Variants in TOP3B observed in about 807,000 individuals in gnomAD.
TOP3B encodes DNA topoisomerase 3-beta-1.
Under a neutral mutation model 93.9 loss-of-function variants are expected in TOP3B, and 45 were observed. That is an observed-to-expected ratio of 0.48 (90% CI 0.38 to 0.61). The LOEUF is 0.61. TOP3B is among the 20% of genes least tolerant of loss of function. The pLI, the probability that TOP3B is intolerant of heterozygous loss-of-function variation, is 0.00. For synonymous variants in TOP3B, 357 were observed against 472.6 expected (o/e 0.76, Z 3.17); for missense variants, 750 against 1,156.1 (o/e 0.65, Z 5.09).
At chr22:21,979,915 TG>T (rs2145890071) in intron 1 of TOP3B, among the ~76,000 whole-genome samples, 1 of 116,570 alleles carries the variant, frequency 8.6e-6, no homozygotes, top group South Asian at 2.7e-4. Flanking sequence ...CACTCCAGCC[TG>T]GGCGACAGAG....
chr22:21,964,395 C>T (rs965906878), intron 9 of TOP3B, 80 bp from the exon 10 acceptor site: 1 of 1,547,874 alleles, frequency 6.5e-7, no homozygotes, highest in Non-Finnish European at 8.8e-7. Flanking sequence ...CACTCAGGCT[C>T]CCCCATTGTG....
At chr22:21,962,966 G>A (rs564216948) in intron 11 of TOP3B, 73 bp from the exon 12 acceptor site, 8 of 1,556,632 alleles carry the variant, frequency 5.1e-6, no homozygotes, top group East Asian at 2.3e-5. Context: ...CAGTACTCTC[G>A]CTCGAGCAGC....
chr22:21,967,366 G>C, intron 8 of TOP3B: 1 of 524,452 alleles, frequency 1.9e-6, no homozygotes, highest in East Asian at 3.4e-5. Flanking sequence ...AAGGTCACAG[G>C]TGTGGACAGT....
At chr22:21,958,808 A>G in intron 16 of TOP3B, 115 bp from the exon 17 acceptor site, 2 of 1,423,858 alleles carry the variant, frequency 1.4e-6, no homozygotes, top group Non-Finnish European at 9.2e-7. Flanking sequence ...CCTGTGACAC[A>G]CTGCCAGGCA....
intron 1 of TOP3B, among the ~76,000 whole-genome samples, chr22:21,980,597 T>C (rs75758641): frequency 4.4e-3 from 663 of 152,332 alleles, no homozygotes; most frequent in Admixed American, 9.1e-3. Flanking sequence ...TCCCCTTAAA[T>C]GTACAACCAT....
At position 21,970,258 on chromosome 22, in the gene TOP3B, ACT is replaced by A; in HGVS notation, c.531_532del (p.Val178GlyfsTer20). On this transcript the variant is annotated frameshift_variant, in exon 6 of 18. Transcript: ENST00000357179. LOFTEE classifies it high-confidence loss of function. The surrounding 1 kb of genome is among the most constrained non-coding windows in gnomAD (Gnocchi z 4.4). ...CAGGTCCAGCTCCTGGCGAGCATCCACTGAGAGCGCCTCGTTGTGGTCAGGCT... is the reference window on the plus strand; with the variant it reads ...CAGGTCCAGCTCCTGGCGAGCATCCAGAGAGCGCCTCGTTGTGGTCAGGCT... 1 of 1,613,858 alleles carries A rather than the reference ACT, an allele frequency of 6.2e-7. No individual in the cohort carries two copies. Among genetic ancestry groups the A allele is most frequent in the Non-Finnish European group, 8.5e-7 (1 of 1,180,022 alleles).
chr22:21,957,493 T>TCCAGCA lies in TOP3B; in HGVS notation c.2204_2209dup (p.Val735_Leu736dup), dbSNP rs2070966031. 1 of 1,148,066 alleles carries TCCAGCA rather than the reference T, an allele frequency of 8.7e-7. No homozygotes were observed. The highest frequency in any genetic ancestry group is 1.3e-5 in the South Asian group (1 of 75,148). 71.1% of individuals were successfully genotyped at this position (1,148,066 alleles called of 1,614,324 possible). A position where few individuals can be genotyped will look rare whatever the true frequency, so the allele number is the denominator to read the frequency against. On this transcript the variant is annotated inframe_insertion, in exon 18 of 18. Coordinates refer to ENST00000357179, the MANE Select transcript of TOP3B (RefSeq NM_001282112.2). ...CTTCCACTTGGGGCCCGAGGTGGGGTCCAGCACCAGCACCCCGCTCTCACA... is the reference window on the plus strand; with the variant it reads ...CTTCCACTTGGGGCCCGAGGTGGGGTCCAGCACCAGCACCAGCACCCCGCTCTCACA...
At chr22:21,972,415 T>A (rs1429207773) in intron 4 of TOP3B, 197 bp downstream of exon 4, 16 of 544,468 alleles carry the variant, frequency 2.9e-5, no homozygotes, top group Non-Finnish European at 5.1e-5. Flanking sequence ...GGACTGAGGG[T>A]TGGCAATGGC....
rs368473134 is a variant in TOP3B, at chr22:21,962,587, A to G, written c.1367T>C (p.Met456Thr). 6.2e-7 allele frequency: 1 copy of G among 1,613,160 alleles called. No homozygotes were observed. Among genetic ancestry groups the G allele is most frequent in the Non-Finnish European group, 8.5e-7 (1 of 1,179,890 alleles). Residue 456 changes from methionine (M) to threonine (T), a missense_variant, in exon 13 of 18, where the codon ATG (methionine) becomes ACG (threonine). This residue lies in a region of TOP3B where 737 missense variants were observed against 933.7 expected (regional missense o/e 0.79). Coordinates refer to ENST00000357179, the MANE Select transcript of TOP3B (RefSeq NM_001282112.2). ...CTCCAGGGGCACGCTCTGCCAGGGC[A>G]TGACCTCCGTGAAGCCTGGAGAGAT... ...TVLSPGFTEV[M>T]PWQSVPLEES...
chr22:21,960,466 C>T lies in TOP3B; in HGVS notation c.1526-17G>A. The T allele has an allele frequency of 1.2e-6, 2 of 1,612,804 alleles. No individual in the cohort carries two copies. Among genetic ancestry groups the T allele is most frequent in the Non-Finnish European group, 1.7e-6 (2 of 1,179,904 alleles). The stretch of plus-strand genomic sequence containing the variant: ...CATCCGTGCCTGCAATGTACAAGGC[C>T]CCAGGGTTCCTGGCCTGCCTTGGAC... On this transcript the variant is annotated splice_polypyrimidine_tract_variant and intron_variant, in intron 13 of 17. Coordinates refer to ENST00000357179, the MANE Select transcript of TOP3B (RefSeq NM_001282112.2).
intron 2 of TOP3B, chr22:21,974,872 T>A (rs892630181): frequency 1.2e-5 from 2 of 163,504 alleles, no homozygotes; most frequent in Admixed American, 6.1e-5. Flanking sequence ...ACCAGGGACC[T>A]TCTAATTATC....
chr22:21,959,258 C>T (rs2071063485), intron 15 of TOP3B, 26 bp from the exon 16 acceptor site: 1 of 1,609,322 alleles, frequency 6.2e-7, no homozygotes, highest in East Asian at 2.2e-5. Flanking sequence ...GTGCAGGAGT[C>T]ATCTCCCTCC....
chr22:21,974,298 G>C, intron 3 of TOP3B, 59 bp downstream of exon 3: 1 of 1,566,240 alleles, frequency 6.4e-7, no homozygotes, highest in Admixed American at 1.8e-5. Context: ...GCTTCAACTG[G>C]ACCCTGGCCA....
rs1318086085 is a variant in TOP3B, at chr22:21,974,472, G to A, written c.87C>T (p.His29=). The A allele has an allele frequency of 1.2e-6, 2 of 1,611,330 alleles. No individual in the cohort carries two copies. The highest frequency in any genetic ancestry group is 3.4e-5 in the Admixed American group (2 of 59,650). ...KILSRGSLSS[H]KGLNGACSVH... is the part of the protein sequence containing the mutation. ...CTGAGCAGGCCCCGTTCAGCCCTTT[G>A]TGTGAGGACAGGCTCCCTGGGGATG... The change falls in exon 3 of 18, where the codon CAC becomes CAT. Residue 29 remains histidine (H), a synonymous_variant. Transcript: ENST00000357179.
chr22:21,976,738 A>G (rs1017412143), intron 1 of TOP3B: 1 of 152,260 alleles, frequency 6.6e-6, no homozygotes, highest in Non-Finnish European at 1.5e-5. Context: ...TGTGCCTGAC[A>G]CATGACATTC....
chr22:21,971,531 A>G lies in TOP3B; in HGVS notation c.384+346T>C. The G allele has an allele frequency of 2.7e-6, 1 of 369,434 alleles. No individual in the cohort carries two copies. Among genetic ancestry groups the G allele is most frequent in the Non-Finnish European group, 5.2e-6 (1 of 190,978 alleles). The allele number at this position is 369,434 out of a possible 1,614,324, so 22.9% of individuals were successfully genotyped here. A position where few individuals can be genotyped will look rare whatever the true frequency, so the allele number is the denominator to read the frequency against. ...GTCGGGAATCAACCAGCATCAACCC[A>G]AGGTCCCTGAGAAGTCACGCTGGGC... On this transcript the variant is annotated intron_variant, in intron 5 of 17. Transcript: ENST00000357179. The surrounding 1 kb of genome is among the most constrained non-coding windows in gnomAD (Gnocchi z 4.6).
At position 21,970,127 on chromosome 22, in the gene TOP3B, C is replaced by T; in HGVS notation, c.581+83G>A. The T allele has an allele frequency of 2.0e-6, 3 of 1,526,302 alleles. No individual in the cohort carries two copies. The highest frequency in any genetic ancestry group is 2.7e-6 in the Non-Finnish European group (3 of 1,131,266). The allele number at this position is 1,526,302 out of a possible 1,614,324, so 94.5% of individuals were successfully genotyped here. Reference sequence around the variant, plus strand: ...ATCCTGGCTCGAGGAGGCCTAGGGGCCCCGGAGGGGGACCAGTAGAGGCAG... The same window carrying T: ...ATCCTGGCTCGAGGAGGCCTAGGGGTCCCGGAGGGGGACCAGTAGAGGCAG... On this transcript the variant is annotated intron_variant, in intron 6 of 17. Coordinates refer to ENST00000357179, the MANE Select transcript of TOP3B (RefSeq NM_001282112.2). The surrounding 1 kb of genome is among the most constrained non-coding windows in gnomAD (Gnocchi z 4.4).
At chr22:21,965,900 G>GT (rs1416822792) in intron 8 of TOP3B, 7 of 155,386 alleles carry the variant, frequency 4.5e-5, no homozygotes, top group South Asian at 1.9e-4. Flanking sequence ...ACCAAATTTT[G>GT]TTTTTTTTAA....
rs1452296440 is a variant in TOP3B, at chr22:21,969,056, C to A, written c.582-281G>T. On this transcript the variant is annotated intron_variant, in intron 6 of 17. Transcript: ENST00000357179. ...CATCTACTGCACACTCTCCTCAGGA[C>A]CCCCAGAGCACAGACAAACACACTT... 8.0e-6 allele frequency: 3 copies of A among 373,420 alleles called. No individual in the cohort carries two copies. The Admixed American group carries it at 1.2e-4, about 15-fold the overall frequency. The allele number at this position is 373,420 out of a possible 1,614,324, so 23.1% of individuals were successfully genotyped here.
Sources: allele counts gnomAD v4.1 joint callset (sites outside exome capture counted in the v4.1 genomes callset), GRCh38; gene constraint gnomAD v4.1.1; regional missense constraint gnomAD v4.1.1; non-coding constraint Gnocchi (gnomAD v3.1); transcripts MANE v1.5; gene names NCBI Gene and HGNC (gene_info 2026-07-23, HGNC 2026-07-21).